The following SLC24A2 variants were observed in gnomAD, a reference collection of about 807,000 sequenced individuals.
SLC24A2 encodes sodium/potassium/calcium exchanger 2.
In SLC24A2, 36 loss-of-function variants were observed where a neutral mutation model predicts 62.0. The ratio of observed to expected loss-of-function variants is 0.58; its 90% CI spans 0.44 to 0.77. The LOEUF is 0.77. Among genes scored for constraint, SLC24A2 ranks in the 30% least tolerant of loss-of-function variants. The pLI is 0.00. For missense variants in SLC24A2, 846 were observed against 817.9 expected (o/e 1.03, Z -0.42); for synonymous variants, 358 against 294.0 (o/e 1.22, Z -2.23).
upstream of SLC24A2, among the ~76,000 whole-genome samples, chr9:19,791,295 G>A (rs550138005): frequency 6.6e-6 from 1 of 152,078 alleles, no homozygotes; most frequent in Non-Finnish European, 1.5e-5. Flanking sequence ...CTCCTTGCTA[G>A]GCTTTGTCTT....
At chr9:19,907,295 C>T in the SLC24A2 span, among the ~76,000 whole-genome samples, 1 of 152,154 alleles carries the variant, frequency 6.6e-6, no homozygotes, top group Non-Finnish European at 1.5e-5. Context: ...GCTAAAAACA[C>T]TCAATAAATT....
the SLC24A2 span, among the ~76,000 whole-genome samples, chr9:20,285,013 G>T: frequency 6.6e-6 from 1 of 152,170 alleles, no homozygotes; most frequent in Non-Finnish European, 1.5e-5. Flanking sequence ...GTTTTTAAAT[G>T]TTAAGTGTAA....
chr9:20,050,694 T>C, the SLC24A2 span, among the ~76,000 whole-genome samples: 1 of 152,214 alleles, frequency 6.6e-6, no homozygotes, highest in African/African-American at 2.4e-5. Flanking sequence ...GTGAATACAT[T>C]ACCCAGCATA....
chr9:19,883,579 T>TTG, the SLC24A2 span, among the ~76,000 whole-genome samples: 1 of 151,724 alleles, frequency 6.6e-6, no homozygotes, highest in African/African-American at 2.4e-5. Flanking sequence ...TTGTTTTTTT[T>TTG]TTTTGAGATG....
chr9:19,863,004 A>G, the SLC24A2 span, among the ~76,000 whole-genome samples: 2 of 152,178 alleles, frequency 1.3e-5, no homozygotes, highest in South Asian at 2.1e-4. Context: ...ACTACAAGAA[A>G]CACACTTCAC....
chr9:20,019,588 T>G, the SLC24A2 span, among the ~76,000 whole-genome samples: 4 of 152,230 alleles, frequency 2.6e-5, no homozygotes, highest in East Asian at 7.7e-4. Context: ...GATAAAAGAT[T>G]TAAATGTAAG....
intron 5 of SLC24A2, among the ~76,000 whole-genome samples, chr9:19,588,883 C>G (rs935922891): frequency 1.3e-5 from 2 of 152,178 alleles, no homozygotes; most frequent in African/African-American, 4.8e-5. Flanking sequence ...ATCGCTGGAA[C>G]CTGGGAGGCG....
chr9:20,060,336 A>C, the SLC24A2 span, among the ~76,000 whole-genome samples: 1 of 152,144 alleles, frequency 6.6e-6, no homozygotes, highest in Non-Finnish European at 1.5e-5. Flanking sequence ...TACCAAAGTC[A>C]GACAGAGATA....
At chr9:19,978,744 C>T in the SLC24A2 span, among the ~76,000 whole-genome samples, 1 of 151,896 alleles carries the variant, frequency 6.6e-6, no homozygotes, top group Non-Finnish European at 1.5e-5. Context: ...TATAAATTGG[C>T]AGAATTGAGG....
the SLC24A2 span, among the ~76,000 whole-genome samples, chr9:20,125,709 T>C: frequency 6.6e-6 from 1 of 152,164 alleles, no homozygotes; most frequent in African/African-American, 2.4e-5. Flanking sequence ...CAGAGCACTC[T>C]AGCCCATGGT....
the SLC24A2 span, among the ~76,000 whole-genome samples, chr9:19,948,394 T>C: frequency 6.7e-6 from 1 of 148,182 alleles, no homozygotes; most frequent in Admixed American, 7.0e-5. Context: ...CTTTGGGGAC[T>C]TCTCTGGTTG....
At chr9:20,141,226 T>G in the SLC24A2 span, among the ~76,000 whole-genome samples, 1 of 152,102 alleles carries the variant, frequency 6.6e-6, no homozygotes, top group Non-Finnish European at 1.5e-5. Flanking sequence ...GCTCACCTGG[T>G]AAGAGATAGA....
the SLC24A2 span, among the ~76,000 whole-genome samples, chr9:20,165,528 T>A: frequency 6.6e-6 from 1 of 151,848 alleles, no homozygotes; most frequent in African/African-American, 2.4e-5. Context: ...TAAAGTGGTA[T>A]CTCAAATGAC....
chr9:19,721,641 G>A (rs1490278461), intron 2 of SLC24A2, among the ~76,000 whole-genome samples: 1 of 152,104 alleles, frequency 6.6e-6, no homozygotes, highest in Non-Finnish European at 1.5e-5. Flanking sequence ...TCTTTAAAGT[G>A]TCATTTAATC....
the SLC24A2 span, among the ~76,000 whole-genome samples, chr9:20,173,923 G>A: frequency 6.6e-6 from 1 of 151,972 alleles, no homozygotes; most frequent in African/African-American, 2.4e-5. Context: ...CAAAACTGGA[G>A]GCATCACATT....
chr9:19,814,740 A>G, the SLC24A2 span, among the ~76,000 whole-genome samples: 779 of 152,308 alleles, frequency 5.1e-3, 8 homozygotes, highest in African/African-American at 0.018. Flanking sequence ...TCTCTTATGA[A>G]AATATTGTCA....
the SLC24A2 span, among the ~76,000 whole-genome samples, chr9:19,869,382 CT>C: frequency 6.6e-6 from 1 of 152,128 alleles, no homozygotes; most frequent in African/African-American, 2.4e-5. Context: ...TATTCTTGTT[CT>C]CTTGTACTTG....
chr9:20,179,743 T>G, the SLC24A2 span, among the ~76,000 whole-genome samples: 1 of 152,178 alleles, frequency 6.6e-6, no homozygotes, highest in Non-Finnish European at 1.5e-5. Flanking sequence ...TGGAGTAGAA[T>G]AGACTATATG....
chr9:19,660,172 C>T (rs1361959935), intron 2 of SLC24A2, among the ~76,000 whole-genome samples: 1 of 152,192 alleles, frequency 6.6e-6, no homozygotes, highest in Non-Finnish European at 1.5e-5. Flanking sequence ...ATCCCAGTTC[C>T]TGCCCTAGGG....
Sources: allele counts gnomAD v4.1 joint callset (sites outside exome capture counted in the v4.1 genomes callset), GRCh38; gene constraint gnomAD v4.1.1; transcripts MANE v1.5; gene names NCBI Gene and HGNC (gene_info 2026-07-23, HGNC 2026-07-21).